The following OXR1 variants were observed in gnomAD, a reference collection of about 807,000 sequenced individuals.
OXR1 encodes oxidation resistance 1, also known as oxidation resistance protein 1.
A neutral mutation model predicts 104.6 loss-of-function variants in OXR1; 41 were observed. The ratio of observed to expected loss-of-function variants is 0.39; its 90% CI spans 0.31 to 0.51. The LOEUF (loss-of-function observed/expected upper bound fraction) is 0.51, where lower values mean the gene tolerates loss of function less well. Among genes scored for constraint, OXR1 ranks in the 20% least tolerant of loss-of-function variants. The pLI is 0.77. For synonymous variants in OXR1, 348 were observed against 348.4 expected (o/e 1.00, Z 0.01); for missense variants, 955 against 1,031.9 (o/e 0.93, Z 1.02).
chr8:106,364,307 C>T (rs542632262), intron 2 of OXR1, among the ~76,000 whole-genome samples: 1 of 152,182 alleles, frequency 6.6e-6, no homozygotes, highest in African/African-American at 2.4e-5. Context: ...AGGCTGGGTG[C>T]AGTGGCTCAC....
intron 3 of OXR1, among the ~76,000 whole-genome samples, chr8:106,585,407 C>A (rs756730140): frequency 1.3e-5 from 2 of 152,074 alleles, no homozygotes; most frequent in Non-Finnish European, 2.9e-5. Context: ...TAGTCTAAAC[C>A]AACTTGCTAG....
intron 2 of OXR1, among the ~76,000 whole-genome samples, chr8:106,390,115 C>A (rs538940258): frequency 2.0e-5 from 3 of 151,978 alleles, no homozygotes; most frequent in Admixed American, 2.0e-4. Flanking sequence ...ATGATTTTTA[C>A]TTAATTATAA....
At chr8:106,637,087 A>C (rs935504965) in intron 3 of OXR1, among the ~76,000 whole-genome samples, 1 of 152,160 alleles carries the variant, frequency 6.6e-6, no homozygotes, top group Non-Finnish European at 1.5e-5. Flanking sequence ...AACATGCCCC[A>C]CACACCCCTC....
chr8:106,390,400 T>C (rs1817545761), intron 2 of OXR1, among the ~76,000 whole-genome samples: 1 of 152,196 alleles, frequency 6.6e-6, no homozygotes, highest in African/African-American at 2.4e-5. Flanking sequence ...ATGCTTTCTG[T>C]GTGCCAAGCA....
chr8:106,336,887 C>T (rs1814989855), intron 1 of OXR1, among the ~76,000 whole-genome samples: 1 of 152,106 alleles, frequency 6.6e-6, no homozygotes, highest in Non-Finnish European at 1.5e-5. Context: ...ATGGCATTAC[C>T]TAGAGTCATT....
At chr8:106,614,010 A>C (rs1199965918) in intron 3 of OXR1, among the ~76,000 whole-genome samples, 1 of 152,174 alleles carries the variant, frequency 6.6e-6, no homozygotes. Flanking sequence ...CATTTTGAGA[A>C]ATGTGTACAC....
chr8:106,305,684 C>T lies in OXR1; in HGVS notation c.-139+35317C>T, dbSNP rs111811708. Among the ~76,000 whole-genome samples the T allele has an allele frequency of 3.2e-3, 482 of 152,222 alleles. 1 individual carries two copies. The highest frequency in any genetic ancestry group is 0.011 in the African/African-American group (461 of 41,564). The stretch of plus-strand genomic sequence containing the variant: ...GTGGCTGCTTCTCATGTTTTTTTAT[C>T]TGCCACTGTTCCCTTTGATTTCTCC... On this transcript the variant is annotated intron_variant, in intron 1 of 16. Coordinates refer to ENST00000517566, the MANE Select transcript of OXR1 (RefSeq NM_001198533.2).
Position 106,519,120 on chromosome 8 carries a change from G to A in OXR1, c.201G>A (p.Leu67=). 1 of 1,551,348 alleles carries A rather than the reference G, an allele frequency of 6.4e-7. No individual in the cohort carries two copies. Among genetic ancestry groups the A allele is most frequent in the Non-Finnish European group, 8.7e-7 (1 of 1,146,524 alleles). ...AACATCCTTCCAGAAGGAGCGAACT[G>A]AAGAGGTTCTACACAATTGGTGAGC... The part of the protein sequence containing the change: ...TQKHPSRRSE[L]KRFYTIDTGQ... Residue 67 remains leucine (L), a synonymous_variant, in exon 3 of 17, where the codon CTG becomes CTA. Coordinates refer to ENST00000517566, the MANE Select transcript of OXR1 (RefSeq NM_001198533.2).
intron 2 of OXR1, among the ~76,000 whole-genome samples, chr8:106,374,426 C>G (rs1306983885): frequency 7.2e-5 from 11 of 152,102 alleles, no homozygotes; most frequent in Non-Finnish European, 1.5e-5. Context: ...GTTAATTGTT[C>G]AATACCATCT....
intron 3 of OXR1, among the ~76,000 whole-genome samples, chr8:106,542,947 A>G (rs1393017512): frequency 2.0e-5 from 3 of 152,116 alleles, no homozygotes; most frequent in Non-Finnish European, 4.4e-5. Flanking sequence ...GGTATGCTAT[A>G]TTATTTTTTG....
intron 3 of OXR1, among the ~76,000 whole-genome samples, chr8:106,574,859 C>A (rs1342267509): frequency 6.6e-6 from 1 of 152,164 alleles, no homozygotes; most frequent in Non-Finnish European, 1.5e-5. Flanking sequence ...TTTTTGAATG[C>A]CCATTTTTAA....
intron 12 of OXR1, among the ~76,000 whole-genome samples, chr8:106,738,659 G>T (rs1239081772): frequency 6.6e-6 from 1 of 151,120 alleles, no homozygotes; most frequent in Non-Finnish European, 1.5e-5. Flanking sequence ...ATATTAAAAA[G>T]TAAGCACCAA....
At chr8:106,551,858 A>ATGTGTG (rs1428718280) in intron 3 of OXR1, among the ~76,000 whole-genome samples, 21 of 94,278 alleles carry the variant, frequency 2.2e-4, no homozygotes, top group Admixed American at 6.9e-4. Flanking sequence ...ATGTGTATAT[A>ATGTGTG]TATGTGTGTG....
intron 2 of OXR1, among the ~76,000 whole-genome samples, chr8:106,386,961 C>A (rs1817396900): frequency 6.6e-6 from 1 of 152,054 alleles, no homozygotes; most frequent in Non-Finnish European, 1.5e-5. Flanking sequence ...GGGAATGAAA[C>A]AGCAGGAGAA....
In OXR1 at chr8:106,752,659, G is replaced by A. The variant is rs1835966076; in HGVS notation, c.*1718G>A. ...TTTCTACTAAAATAAGGTCATAGTG[G>A]CATATACCAAATAAAATCAAATACA... On this transcript the variant is annotated 3_prime_UTR_variant, in exon 17 of 17. Coordinates refer to ENST00000517566, the MANE Select transcript of OXR1 (RefSeq NM_001198533.2). 6.6e-6 allele frequency: 1 copy of A among 152,226 alleles called. No homozygotes were observed. The highest frequency in any genetic ancestry group is 1.5e-5 in the Non-Finnish European group (1 of 67,904). The allele number at this position is 152,226 out of a possible 1,614,324, so 9.4% of individuals were successfully genotyped here.
intron 3 of OXR1, chr8:106,605,309 T>C (rs1820284885): frequency 6.6e-6 from 1 of 152,214 alleles, no homozygotes; most frequent in African/African-American, 2.4e-5. Context: ...TATGGTTGAC[T>C]TTCTGCAATG....
At chr8:106,485,050 T>A (rs559032980) in intron 2 of OXR1, among the ~76,000 whole-genome samples, 8 of 75,620 alleles carry the variant, frequency 1.1e-4, no homozygotes, top group African/African-American at 3.7e-4. Flanking sequence ...TAAATTCATA[T>A]TGCTAAAGAA....
At chr8:106,694,874 A>T in intron 7 of OXR1, among the ~76,000 whole-genome samples, 1 of 92,732 alleles carries the variant, frequency 1.1e-5, no homozygotes, top group East Asian at 3.0e-4. Context: ...TTTATATATA[A>T]TATATATATT....
At chr8:106,558,780 G>A (rs1040229787) in intron 3 of OXR1, among the ~76,000 whole-genome samples, 1 of 152,076 alleles carries the variant, frequency 6.6e-6, no homozygotes, top group African/African-American at 2.4e-5. Context: ...GGATGTGAGG[G>A]CCCAATTAGC....
Sources: gnomAD v4.1 joint callset for allele counts (sites outside exome capture counted in the v4.1 genomes callset) on GRCh38, gnomAD v4.1.1 for gene constraint, MANE v1.5 for transcripts, NCBI Gene and HGNC (gene_info 2026-07-23, HGNC 2026-07-21) for gene names.